Variants in ATP8A2 observed in about 807,000 individuals in gnomAD.
ATP8A2 encodes the protein phospholipid-transporting ATPase IB.
In ATP8A2, 100 loss-of-function variants were observed where a neutral mutation model predicts 165.6. The observed-to-expected ratio is 0.60, with a 90% CI of 0.51 to 0.71. The LOEUF (loss-of-function observed/expected upper bound fraction) is 0.71. ATP8A2 is among the 30% of genes least tolerant of loss of function. The pLI is 0.00. For missense variants in ATP8A2, 1,227 were observed against 1,479.5 expected, an observed-to-expected ratio of 0.83 and a Z score of 2.80; for synonymous variants, 543 against 548.8, an observed-to-expected ratio of 0.99 and a Z score of 0.15.
chr13:25,524,251 T>C (rs1400192823), intron 2 of ATP8A2, among the ~76,000 whole-genome samples: 1 of 152,204 alleles, frequency 6.6e-6, no homozygotes, highest in Non-Finnish European at 1.5e-5. Context: ...ACTTTTTGAA[T>C]GTGCTGGGAC....
intron 2 of ATP8A2, among the ~76,000 whole-genome samples, chr13:25,495,345 G>A (rs2036642847): frequency 1.3e-5 from 2 of 152,184 alleles, no homozygotes; most frequent in African/African-American, 4.8e-5. Context: ...ACTGGGTGAG[G>A]TGTTGTGGGG....
At chr13:25,848,632 TAGA>T (rs1375809381) in intron 30 of ATP8A2, among the ~76,000 whole-genome samples, 1 of 152,178 alleles carries the variant, frequency 6.6e-6, no homozygotes, top group Non-Finnish European at 1.5e-5. Context: ...GAAATGGCAA[TAGA>T]GGAGAAAATC....
chr13:25,435,987 G>GTA (rs1341590273), intron 1 of ATP8A2, among the ~76,000 whole-genome samples: 1 of 151,764 alleles, frequency 6.6e-6, no homozygotes, highest in African/African-American at 2.4e-5. Flanking sequence ...GTGTGTGAGT[G>GTA]TGTGTATGTG....
intron 2 of ATP8A2, among the ~76,000 whole-genome samples, chr13:25,519,199 C>T (rs1336403622): frequency 6.6e-6 from 1 of 152,154 alleles, no homozygotes; most frequent in Admixed American, 6.5e-5. Flanking sequence ...TGCTCCTGCT[C>T]CTTCACCTCC....
chr13:25,611,406 G>A lies in ATP8A2; in HGVS notation c.2211+21707G>A, dbSNP rs559519238. ...TTTCTGCATCTATTTAGATGATCAT[G>A]TGATTTTTGTTTTTAATTCTGTTTA... On this transcript the variant is annotated intron_variant, in intron 24 of 36. Transcript: ENST00000381655. 4.9e-4 allele frequency among the ~76,000 whole-genome samples: 75 copies of A among 152,220 alleles called. 1 individual carries two copies. In the South Asian group the frequency reaches 6.4e-3, roughly 13 times the overall value.
chr13:25,622,570 C>A (rs1035341632), intron 24 of ATP8A2, among the ~76,000 whole-genome samples: 5 of 152,092 alleles, frequency 3.3e-5, no homozygotes, highest in African/African-American at 1.2e-4. Context: ...TCCAAAAATC[C>A]AAAATCCGAA....
intron 33 of ATP8A2, among the ~76,000 whole-genome samples, chr13:25,864,661 A>C (rs1232429002): frequency 1.3e-5 from 2 of 152,252 alleles, no homozygotes; most frequent in African/African-American, 4.8e-5. Context: ...AAAACATGTC[A>C]TTTTAATCAC....
intron 2 of ATP8A2, among the ~76,000 whole-genome samples, chr13:25,480,151 A>G (rs1182371368): frequency 4.4e-5 from 6 of 135,606 alleles, no homozygotes; most frequent in Admixed American, 3.7e-4. Flanking sequence ...CGGATGGGGC[A>G]GCTGGCCGGG....
At chr13:25,834,398 G>A (rs1011673574) in intron 28 of ATP8A2, among the ~76,000 whole-genome samples, 1 of 152,046 alleles carries the variant, frequency 6.6e-6, no homozygotes, top group Non-Finnish European at 1.5e-5. Flanking sequence ...CTCCTGCTGG[G>A]CCTTCTTCCC....
At chr13:25,693,671 G>GTCTCTC (rs71186897) in intron 24 of ATP8A2, among the ~76,000 whole-genome samples, 1 of 148,840 alleles carries the variant, frequency 6.7e-6, no homozygotes, top group Non-Finnish European at 1.5e-5. Context: ...AGATCTCTCT[G>GTCTCTC]TCTCTCTCTC....
intron 25 of ATP8A2, among the ~76,000 whole-genome samples, chr13:25,757,338 C>T (rs756354652): frequency 9.9e-5 from 15 of 152,146 alleles, no homozygotes; most frequent in South Asian, 2.1e-4. Flanking sequence ...TCACCAGAGC[C>T]CCAAGACCTA....
At chr13:25,453,516 G>A (rs2137452936) in intron 1 of ATP8A2, among the ~76,000 whole-genome samples, 1 of 152,218 alleles carries the variant, frequency 6.6e-6, no homozygotes, top group East Asian at 1.9e-4. Flanking sequence ...TGGCTTGTGT[G>A]CTTTTATTCT....
intron 2 of ATP8A2, among the ~76,000 whole-genome samples, chr13:25,498,531 A>G (rs183056188): frequency 6.6e-6 from 1 of 152,306 alleles, no homozygotes; most frequent in Admixed American, 6.5e-5. Context: ...TGTGCTTAAC[A>G]GGTAAGCTGA....
chr13:25,436,761 C>T (rs2034789650), intron 1 of ATP8A2, among the ~76,000 whole-genome samples: 1 of 151,050 alleles, frequency 6.6e-6, no homozygotes, highest in African/African-American at 2.4e-5. Context: ...GCAGCCTTGC[C>T]AACATCTGTT....
intron 7 of ATP8A2, among the ~76,000 whole-genome samples, chr13:25,539,040 G>T (rs2038379180): frequency 6.7e-6 from 1 of 149,134 alleles, no homozygotes; most frequent in South Asian, 2.1e-4. Flanking sequence ...TTAAGTCTTG[G>T]CTGTGACCTT....
intron 2 of ATP8A2, among the ~76,000 whole-genome samples, 173 bp from the exon 3 acceptor site, chr13:25,529,826 C>G (rs1333139619): frequency 6.6e-6 from 1 of 152,130 alleles, no homozygotes; most frequent in Non-Finnish European, 1.5e-5. Context: ...ATCAGGGGCG[C>G]CATTTTACAA....
intron 24 of ATP8A2, among the ~76,000 whole-genome samples, chr13:25,605,914 G>T (rs1218921793): frequency 6.6e-6 from 1 of 152,134 alleles, no homozygotes; most frequent in Non-Finnish European, 1.5e-5. Flanking sequence ...ATGCCTTCTT[G>T]AGTGGAGGTA....
At chr13:25,728,271 G>T (rs1049145687) in intron 25 of ATP8A2, among the ~76,000 whole-genome samples, 8 of 152,220 alleles carry the variant, frequency 5.3e-5, no homozygotes, top group Admixed American at 5.2e-4. Flanking sequence ...TTCTGCCTCT[G>T]CCACTTACCA....
At chr13:25,958,219 G>A (rs1955574178) in intron 33 of ATP8A2, among the ~76,000 whole-genome samples, 1 of 151,612 alleles carries the variant, frequency 6.6e-6, no homozygotes, top group Non-Finnish European at 1.5e-5. Context: ...GATGGGTGCA[G>A]CAAACCACCA....
Sources: allele counts gnomAD v4.1 joint callset (sites outside exome capture counted in the v4.1 genomes callset), GRCh38; gene constraint gnomAD v4.1.1; transcripts MANE v1.5; gene names NCBI Gene and HGNC (gene_info 2026-07-23, HGNC 2026-07-21).